The following EED variants were observed in gnomAD, a reference collection of about 807,000 sequenced individuals.
EED encodes embryonic ectoderm development, also known as polycomb protein EED.
In EED, 9 loss-of-function variants were observed where a neutral mutation model predicts 61.0. The observed-to-expected ratio is 0.15, with a 90% CI of 0.09 to 0.26. EED has a LOEUF of 0.26. Among genes scored for constraint, EED ranks in the 10% least tolerant of loss-of-function variants. The pLI is 1.00. For synonymous variants in EED, 187 were observed against 174.4 expected (o/e 1.07, Z -0.57); for missense variants, 315 against 542.3 (o/e 0.58, Z 4.16).
At chr11:86,264,113 A>T (rs1945913843) in intron 6 of EED, 59 bp from the exon 7 acceptor site, 1 of 1,337,614 alleles carries the variant, frequency 7.5e-7, no homozygotes, top group Non-Finnish European at 1.1e-6. Context: ...CTTTCACAAG[A>T]TGTTGAAAGT....
Position 86,245,313 on chromosome 11 carries a change from C to G in EED, c.84C>G (p.Asn28Lys), listed in dbSNP as rs1288069188. The G allele has an allele frequency of 1.2e-6, 2 of 1,613,318 alleles. No homozygotes were observed. The highest frequency in any genetic ancestry group is 3.3e-5 in the Admixed American group (2 of 59,992). The change falls in exon 1 of 12, where the codon AAC becomes AAG. Residue 28 changes from asparagine to lysine, a missense_variant. By Grantham distance (94) the Asn-to-Lys change is moderately conservative (BLOSUM62 0). Around this residue, in one of 2 missense-constraint regions of EED, gnomAD observed 110 missense variants for 86.9 expected, o/e 1.27. Transcript: ENST00000263360. ...AKKQKLSSDE[N>K]SNPDLSGDEN... ...AGCAGAAGCTGAGCAGTGACGAGAA[C>G]AGCAATCCAGACCTCTCTGGAGACG...
chr11:86,287,170 C>G, the EED span, among the ~76,000 whole-genome samples: 3 of 151,780 alleles, frequency 2.0e-5, no homozygotes, highest in Non-Finnish European at 4.4e-5. Context: ...TCTCAGCCTG[C>G]AGTGTGAAAC....
intron 9 of EED, among the ~76,000 whole-genome samples, chr11:86,274,548 A>G (rs1245737197): frequency 6.6e-6 from 1 of 152,014 alleles, no homozygotes; most frequent in African/African-American, 2.4e-5. Context: ...GTTGTGCCAG[A>G]TTGGGGTGGA....
chr11:86,245,007 A>C lies in EED; in HGVS notation c.-223A>C. On this transcript the variant is annotated 5_prime_UTR_variant, in exon 1 of 12. Transcript: ENST00000263360. ...AGTTGGGGAAGGGAAGGAGCCAGGA[A>C]GCCGCGCGGGAGGGCGCGCGCGCGC... 4 of 439,108 alleles carry C rather than the reference A, an allele frequency of 9.1e-6. No individual in the cohort carries two copies. The highest frequency in any genetic ancestry group is 1.6e-5 in the Non-Finnish European group (4 of 245,822). The allele number at this position is 439,108 out of a possible 1,614,324, so 27.2% of individuals were successfully genotyped here.
At chr11:86,246,271 A>G (rs1342158137) in intron 1 of EED, among the ~76,000 whole-genome samples, 1 of 152,260 alleles carries the variant, frequency 6.6e-6, no homozygotes, top group Non-Finnish European at 1.5e-5. Flanking sequence ...AAGTATCTTG[A>G]CAATTTATTC....
intron 8 of EED, 56 bp downstream of exon 8, chr11:86,266,272 T>C (rs1470368331): frequency 6.9e-7 from 1 of 1,447,076 alleles, no homozygotes; most frequent in Non-Finnish European, 9.2e-7. Flanking sequence ...AATATAAGTT[T>C]TATTTTTTCC....
At chr11:86,285,191 A>G in the EED span, among the ~76,000 whole-genome samples, 1 of 152,166 alleles carries the variant, frequency 6.6e-6, no homozygotes, top group East Asian at 1.9e-4. Context: ...AGGCCAAGGC[A>G]GGAGGACTGC....
rs559807274 is a variant in EED at position 86,269,735 on chromosome 11, T to A, written c.966+1174T>A. 2.0e-5 allele frequency among the ~76,000 whole-genome samples: 3 copies of A among 152,298 alleles called. No homozygotes were observed. In the South Asian group the frequency reaches 6.2e-4, roughly 32 times the overall value. ...TTTTATGTCATTTTATCACGTGAAT[T>A]TTGTCATTTCAAGAATGGTACAGTT... On this transcript the variant is annotated intron_variant, in intron 9 of 11. Coordinates refer to ENST00000263360, the MANE Select transcript of EED (RefSeq NM_003797.5).
rs1196890644 is a variant in EED at position 86,278,750 on chromosome 11, T to C, written c.*225T>C. ...ATTTATTTTTGTAAAGCTGTGTGTTTAGTTACTTTCATTGTGGTGAAAAAA... is the reference window on the plus strand; with the variant it reads ...ATTTATTTTTGTAAAGCTGTGTGTTCAGTTACTTTCATTGTGGTGAAAAAA... On this transcript the variant is annotated 3_prime_UTR_variant, in exon 12 of 12. Transcript: ENST00000263360. The C allele has an allele frequency of 1.1e-5, 5 of 454,584 alleles. No homozygotes were observed. The highest frequency in any genetic ancestry group is 1.8e-5 in the Non-Finnish European group (5 of 284,096). 28.2% of individuals were successfully genotyped at this position (454,584 alleles called of 1,614,324 possible).
chr11:86,277,132 G>A lies in EED; in HGVS notation c.1119G>A (p.Trp373Ter). 6.3e-7 allele frequency: 1 copy of A among 1,578,622 alleles called. No individual in the cohort carries two copies. Reference protein sequence around the residue: ...IWYMRFSMDFWQKMLALGNQV... With the variant: ...IWYMRFSMDF ...ACATGAGGTTTTCTATGGATTTCTG[G>A]CAAAAGGTATCAACATACTTTTACA... The change falls in exon 10 of 12, where the codon TGG (tryptophan) becomes TGA (stop). Residue 373 changes from tryptophan (W) to a stop codon, truncating the protein, a stop_gained. Coordinates refer to ENST00000263360, the MANE Select transcript of EED (RefSeq NM_003797.5). LOFTEE classifies it high-confidence loss of function.
chr11:86,271,788 A>T (rs188538557), intron 9 of EED, among the ~76,000 whole-genome samples: 6 of 151,876 alleles, frequency 4.0e-5, no homozygotes, highest in Non-Finnish European at 7.4e-5. Context: ...GATTATATTG[A>T]TTGGTTTTTT....
the EED span, among the ~76,000 whole-genome samples, chr11:86,286,143 G>C: frequency 1.3e-5 from 2 of 151,868 alleles, no homozygotes; most frequent in Non-Finnish European, 2.9e-5. Flanking sequence ...CAATTCTCCT[G>C]TCTCAGCCTC....
At chr11:86,269,069 C>T (rs1033668940) in intron 9 of EED, among the ~76,000 whole-genome samples, 1 of 152,158 alleles carries the variant, frequency 6.6e-6, no homozygotes. Context: ...GCATTTAATA[C>T]ACATAACCTA....
intron 6 of EED, among the ~76,000 whole-genome samples, chr11:86,258,556 T>G (rs1288313396): frequency 1.6e-5 from 2 of 126,112 alleles, no homozygotes; most frequent in African/African-American, 3.6e-5. Context: ...TGTTTTTTGG[T>G]TTTTTTTTTT....
At chr11:86,276,951 T>G in intron 9 of EED, 29 bp from the exon 10 acceptor site, 1 of 1,461,328 alleles carries the variant, frequency 6.8e-7, no homozygotes. Context: ...CATTAACATT[T>G]CTTTTTCTCA....
At chr11:86,264,320 C>A (rs1045085324) in intron 7 of EED, 57 bp downstream of exon 7, 1 of 1,227,248 alleles carries the variant, frequency 8.1e-7, no homozygotes, top group Middle Eastern at 1.9e-4. Flanking sequence ...TGAACAGTCT[C>A]CATGGAACTG....
Position 86,244,923 on chromosome 11 carries a change from C to G in EED, c.-307C>G. ...ACATACTTAATACTGCCCTCTTAATCCAACGGACCTTACATCGTGTAGACT... is the reference window on the plus strand; with the variant it reads ...ACATACTTAATACTGCCCTCTTAATGCAACGGACCTTACATCGTGTAGACT... On this transcript the variant is annotated 5_prime_UTR_variant, in exon 1 of 12. The change creates a new upstream start codon in the 5' untranslated region. Coordinates refer to ENST00000263360, the MANE Select transcript of EED (RefSeq NM_003797.5). 3.0e-6 allele frequency: 1 copy of G among 338,836 alleles called. No individual in the cohort carries two copies. 21.0% of individuals were successfully genotyped at this position (338,836 alleles called of 1,614,324 possible).
At chr11:86,263,884 G>A (rs1375690297) in intron 6 of EED, 1 of 316,562 alleles carries the variant, frequency 3.2e-6, no homozygotes, top group Non-Finnish European at 5.9e-6. Flanking sequence ...TGAGGATGGA[G>A]CCCCCATGAC....
At chr11:86,262,296 C>T (rs1945852902) in intron 6 of EED, among the ~76,000 whole-genome samples, 1 of 152,096 alleles carries the variant, frequency 6.6e-6, no homozygotes, top group South Asian at 2.1e-4. Context: ...GATAAGCAGC[C>T]AGAAGAAGCC....
Sources: gnomAD v4.1 joint callset for allele counts (sites outside exome capture counted in the v4.1 genomes callset) on GRCh38, gnomAD v4.1.1 for gene constraint, gnomAD v4.1.1 regional missense constraint, MANE v1.5 for transcripts, NCBI Gene and HGNC (gene_info 2026-07-23, HGNC 2026-07-21) for gene names.